The following SNTG2 variants were observed in gnomAD, a reference collection of about 807,000 sequenced individuals.
The protein encoded by SNTG2 is gamma-2-syntrophin.
A neutral mutation model predicts 70.9 loss-of-function variants in SNTG2; 74 were observed. The observed-to-expected ratio is 1.04, with a 90% CI of 0.86 to 1.27. The LOEUF (loss-of-function observed/expected upper bound fraction) is 1.27. Among genes scored for constraint, SNTG2 ranks in the 50% most tolerant of loss-of-function variants. The pLI, the probability that SNTG2 is intolerant of heterozygous loss-of-function variation, is 0.00. For synonymous variants in SNTG2, 278 were observed against 273.8 expected, an observed-to-expected ratio of 1.02 and a Z score of -0.15; for missense variants, 717 against 690.7, an observed-to-expected ratio of 1.04 and a Z score of -0.43.
intron 16 of SNTG2, among the ~76,000 whole-genome samples, chr2:1,341,939 G>A (rs1032015490): frequency 1.3e-5 from 2 of 150,498 alleles, no homozygotes; most frequent in African/African-American, 2.4e-5. Flanking sequence ...TCAGACTCCT[G>A]GGCTCAAGCC....
chr2:1,110,552 T>TG (rs1666374090), intron 4 of SNTG2, among the ~76,000 whole-genome samples: 1 of 152,196 alleles, frequency 6.6e-6, no homozygotes, highest in Non-Finnish European at 1.5e-5. Context: ...GCCCTTCACA[T>TG]GGCATAGAGA....
chr2:1,264,647 T>C (rs1424780559), intron 13 of SNTG2, among the ~76,000 whole-genome samples: 3 of 152,214 alleles, frequency 2.0e-5, no homozygotes, highest in Non-Finnish European at 2.9e-5. Context: ...TGTCAATAAA[T>C]ACAGTGCAGT....
chr2:1,200,351 A>G (rs967917677), intron 8 of SNTG2, among the ~76,000 whole-genome samples: 2 of 152,010 alleles, frequency 1.3e-5, no homozygotes, highest in African/African-American at 2.4e-5. Context: ...ATTTCTCACC[A>G]TATTAAAAAA....
chr2:1,079,308 G>A (rs946565912), intron 1 of SNTG2, among the ~76,000 whole-genome samples: 7 of 152,246 alleles, frequency 4.6e-5, no homozygotes. Flanking sequence ...TGCCTGGAGG[G>A]CATATTACTG....
chr2:1,212,863 A>G (rs1185626061), intron 9 of SNTG2, among the ~76,000 whole-genome samples: 2 of 152,168 alleles, frequency 1.3e-5, no homozygotes, highest in African/African-American at 2.4e-5. Context: ...CAGTCTAAGG[A>G]GGGTAAGGAA....
Position 951,015 on chromosome 2 carries a change from C to G in SNTG2, c.19C>G (p.Pro7Ala), listed in dbSNP as rs1455535439. The G allele has an allele frequency of 7.9e-7, 1 of 1,263,912 alleles. No individual in the cohort carries two copies. The highest frequency in any genetic ancestry group is 3.1e-5 in the South Asian group (1 of 31,996). 78.3% of individuals were successfully genotyped at this position (1,263,912 alleles called of 1,614,324 possible). A position where few individuals can be genotyped will look rare whatever the true frequency, so the allele number is the denominator to read the frequency against. The change falls in exon 1 of 17, where the codon CCG becomes GCG. Residue 7 changes from proline to alanine, a missense_variant. Pro to Ala is a conservative substitution (Grantham distance 27). Transcript: ENST00000308624. ...GGCGGCGATGGGCACCGAGGGACCC[C>G]CGCCCCCGGCCGCCTCCCGCGGACG... MGTEGPPPPAASRGRQG... is the reference protein window; with the variant it reads MGTEGPAPPAASRGRQG...
At chr2:955,548 A>G (rs577994462) in intron 1 of SNTG2, among the ~76,000 whole-genome samples, 1 of 152,318 alleles carries the variant, frequency 6.6e-6, no homozygotes, top group Non-Finnish European at 1.5e-5. Flanking sequence ...AATTACTCCT[A>G]CCTTCATCAA....
chr2:1,124,455 C>T (rs575638485), intron 4 of SNTG2, among the ~76,000 whole-genome samples: 55 of 152,084 alleles, frequency 3.6e-4, no homozygotes, highest in Admixed American at 8.5e-4. Flanking sequence ...CCACCACGCC[C>T]GGCTAATTTT....
In SNTG2 at chr2:966,228, T is replaced by G. The variant is rs1378874895; in HGVS notation, c.72+15160T>G. ...TCATCAAAACTGGTTAGTTTTGATA[T>G]TTTTAAAATGTTTGTTGTTGCACTT... On this transcript the variant is annotated intron_variant, in intron 1 of 16. Coordinates refer to ENST00000308624, the MANE Select transcript of SNTG2 (RefSeq NM_018968.4). Among the ~76,000 whole-genome samples, 12 of 152,360 alleles carry G rather than the reference T, an allele frequency of 7.9e-5. 1 individual carries two copies. The Middle Eastern group carries it at 0.027, about 345-fold the overall frequency.
chr2:1,120,567 T>A (rs1667316444), intron 4 of SNTG2, among the ~76,000 whole-genome samples: 1 of 152,152 alleles, frequency 6.6e-6, no homozygotes, highest in South Asian at 2.1e-4. Flanking sequence ...GAAACAATAT[T>A]CCATGCAAAT....
rs531474625 is a variant in SNTG2, at chr2:1,022,386, CCTGCGTTCTCAGGAGCCT to C, written c.73-61121_73-61104del. ...GTGAATCCCTGCATTCCCGTGAGGA[CCTGCGTTCTCAGGAGCCT>C]CTGCGTTCTCGTTAGCCCCTGCATT... On this transcript the variant is annotated intron_variant, in intron 1 of 16. Transcript: ENST00000308624. 3.9e-5 allele frequency among the ~76,000 whole-genome samples: 6 copies of C among 152,086 alleles called. No homozygotes were observed. In the South Asian group the frequency reaches 1.2e-3, roughly 32 times the overall value.
At chr2:1,026,867 C>T (rs1660507037) in intron 1 of SNTG2, among the ~76,000 whole-genome samples, 1 of 152,286 alleles carries the variant, frequency 6.6e-6, no homozygotes, top group South Asian at 2.1e-4. Context: ...TGGCCTCCCC[C>T]TGCCCTTGGC....
At chr2:1,046,150 GT>G (rs908714724) in intron 1 of SNTG2, among the ~76,000 whole-genome samples, 5 of 152,010 alleles carry the variant, frequency 3.3e-5, no homozygotes, top group Non-Finnish European at 7.4e-5. Context: ...TTTGATCATT[GT>G]TTTTTAAAGT....
intron 1 of SNTG2, among the ~76,000 whole-genome samples, chr2:1,068,585 C>T (rs1450354695): frequency 1.3e-5 from 2 of 152,176 alleles, no homozygotes; most frequent in Non-Finnish European, 1.5e-5. Context: ...CAGGTGTTCT[C>T]ATTTTTATAG....
chr2:1,080,556 G>A (rs1384575658), intron 1 of SNTG2, among the ~76,000 whole-genome samples: 1 of 151,324 alleles, frequency 6.6e-6, no homozygotes, highest in East Asian at 2.0e-4. Flanking sequence ...ATGCATCCCT[G>A]TATGTGTGTG....
chr2:977,590 G>C (rs6741279), intron 1 of SNTG2, among the ~76,000 whole-genome samples: 46,047 of 151,964 alleles, frequency 0.3, 7,371 homozygotes, highest in Middle Eastern at 0.4. Flanking sequence ...GGGAACCTTT[G>C]CCATCTCTGT....
intron 4 of SNTG2, among the ~76,000 whole-genome samples, chr2:1,099,280 G>A (rs1330447668): frequency 6.6e-6 from 1 of 152,144 alleles, no homozygotes; most frequent in Non-Finnish European, 1.5e-5. Flanking sequence ...CAGGGGAACA[G>A]GAAGCAAGAC....
At chr2:991,561 C>CA (rs1182910065) in intron 1 of SNTG2, among the ~76,000 whole-genome samples, 2 of 152,126 alleles carry the variant, frequency 1.3e-5, no homozygotes, top group African/African-American at 4.8e-5. Flanking sequence ...ACCTAATACT[C>CA]ATGAATGGGG....
chr2:957,256 GTAGA>G (rs34182300), intron 1 of SNTG2, among the ~76,000 whole-genome samples: 20,721 of 152,030 alleles, frequency 0.14, 1,954 homozygotes, highest in African/African-American at 0.24. Context: ...CTGCAGCAAG[GTAGA>G]TAGAGAAAGT....
Sources: allele counts gnomAD v4.1 joint callset (sites outside exome capture counted in the v4.1 genomes callset), GRCh38; gene constraint gnomAD v4.1.1; transcripts MANE v1.5; gene names NCBI Gene and HGNC (gene_info 2026-07-23, HGNC 2026-07-21).